BCAR3: variants seen among roughly 807,000 people sequenced by gnomAD.
BCAR3 encodes the protein BCAR3 adaptor protein, NSP family member.
BCAR3 carries 37 observed loss-of-function variants against 80.1 expected under a neutral mutation model. The observed-to-expected ratio is 0.46, with a 90% CI of 0.36 to 0.61. BCAR3 has a LOEUF of 0.61. BCAR3 is among the 20% of genes least tolerant of loss of function. The pLI, the probability that BCAR3 is intolerant of heterozygous loss-of-function variation, is 0.00. For missense variants in BCAR3, 978 were observed against 1,068.2 expected (o/e 0.92, Z 1.18); for synonymous variants, 389 against 418.9 (o/e 0.93, Z 0.87).
At chr1:93,696,410 AAC>A in intron 3 of BCAR3, among the ~76,000 whole-genome samples, 1 of 152,212 alleles carries the variant, frequency 6.6e-6, no homozygotes. Flanking sequence ...GCACACAAAT[AAC>A]ACACAGCCAA....
At position 93,679,383 on chromosome 1, in the gene BCAR3, C is replaced by T. The variant is rs148577662; in HGVS notation, c.-12+2215G>A. 2.6e-5 allele frequency among the ~76,000 whole-genome samples: 4 copies of T among 152,150 alleles called. No homozygotes were observed. The East Asian group carries it at 5.8e-4, about 22-fold the overall frequency. On this transcript the variant is annotated intron_variant, in intron 1 of 11. Coordinates refer to ENST00000260502, the MANE Select transcript of BCAR3 (RefSeq NM_003567.4). ...CAACTGGGAAGGATGGGGAGGGAAACGTTTTAACCTAGAACAATAGATGCA... is the reference window on the plus strand; with the variant it reads ...CAACTGGGAAGGATGGGGAGGGAAATGTTTTAACCTAGAACAATAGATGCA...
intron 8 of BCAR3, 42 bp downstream of exon 8, chr1:93,575,971 AG>A (rs760890057): frequency 4.5e-6 from 7 of 1,550,756 alleles, no homozygotes; most frequent in Non-Finnish European, 6.2e-6. Context: ...GATGCCTGGA[AG>A]GAGCTGGGAG....
At chr1:93,837,818 TG>T (rs1034847749) in intron 2 of BCAR3, among the ~76,000 whole-genome samples, 93 of 152,330 alleles carry the variant, frequency 6.1e-4, no homozygotes, top group African/African-American at 2.2e-3. Context: ...AGCAGAGTGG[TG>T]GGTAGCCTGC....
chr1:93,761,334 CT>C (rs1651938358), intron 2 of BCAR3, among the ~76,000 whole-genome samples: 1 of 151,874 alleles, frequency 6.6e-6, no homozygotes, highest in African/African-American at 2.4e-5. Flanking sequence ...TGTAGAACTG[CT>C]CAGAGAGGAG....
chr1:93,780,990 A>G (rs922998659), intron 2 of BCAR3, among the ~76,000 whole-genome samples: 12 of 152,182 alleles, frequency 7.9e-5, no homozygotes, highest in Admixed American at 6.5e-4. Flanking sequence ...TGGCTTGAAC[A>G]AAAGGTACTC....
chr1:93,580,922 A>G (rs1673679738), intron 7 of BCAR3, among the ~76,000 whole-genome samples: 1 of 152,214 alleles, frequency 6.6e-6, no homozygotes, highest in Non-Finnish European at 1.5e-5. Flanking sequence ...GCACTTTGAG[A>G]GGCCAAGGCA....
intron 2 of BCAR3, among the ~76,000 whole-genome samples, chr1:93,773,728 A>C (rs1652439805): frequency 6.6e-6 from 1 of 152,172 alleles, no homozygotes; most frequent in African/African-American, 2.4e-5. Context: ...AGGACCTCTT[A>C]GGTTAGTCCA....
chr1:93,721,546 C>T (rs1458048635), intron 2 of BCAR3, among the ~76,000 whole-genome samples: 1 of 152,210 alleles, frequency 6.6e-6, no homozygotes, highest in African/African-American at 2.4e-5. Flanking sequence ...CCCCAGTGGC[C>T]AGGAGACCTC....
chr1:93,619,010 C>G (rs1385702833), intron 3 of BCAR3, among the ~76,000 whole-genome samples: 2 of 149,938 alleles, frequency 1.3e-5, no homozygotes, highest in East Asian at 2.0e-4. Context: ...GCGATCTTGG[C>G]TCACTGCAAC....
At chr1:93,845,947 T>C (rs983901122) in intron 1 of BCAR3, among the ~76,000 whole-genome samples, 2 of 152,226 alleles carry the variant, frequency 1.3e-5, no homozygotes, top group Non-Finnish European at 2.9e-5. Flanking sequence ...TGGTGTGTTC[T>C]GTCAGCATTC....
intron 2 of BCAR3, among the ~76,000 whole-genome samples, chr1:93,799,213 G>A (rs925183848): frequency 4.6e-5 from 7 of 152,016 alleles, no homozygotes; most frequent in Non-Finnish European, 5.9e-5. Context: ...ATTTTCCCCC[G>A]TGTTTTGGGG....
At chr1:93,615,682 G>A (rs919118892) in intron 3 of BCAR3, among the ~76,000 whole-genome samples, 1 of 152,180 alleles carries the variant, frequency 6.6e-6, no homozygotes, top group Non-Finnish European at 1.5e-5. Flanking sequence ...GTGAGGAAGC[G>A]TTTTCTGGCT....
At position 93,576,077 on chromosome 1, in the gene BCAR3, C is replaced by T. The variant is rs751035398; in HGVS notation, c.1739G>A (p.Ser580Asn). The change falls in exon 8 of 12, where the codon AGC (serine) becomes AAC (asparagine). Residue 580 changes from serine (S) to asparagine (N), a missense_variant. Transcript: ENST00000260502. ...CAAGGTAATGAGTTCCAGGCCTGAGCTCACCCCCATGTTCCTCCTCATCTC... is the reference window on the plus strand; with the variant it reads ...CAAGGTAATGAGTTCCAGGCCTGAGTTCACCCCCATGTTCCTCCTCATCTC... ...SEEMRRNMGVSSGLELITLPH... is the reference protein window; with the variant it reads ...SEEMRRNMGVNSGLELITLPH... 6 of 1,614,024 alleles carry T rather than the reference C, an allele frequency of 3.7e-6. No homozygotes were observed. The South Asian group carries it at 6.6e-5, about 18-fold the overall frequency.
chr1:93,618,169 C>G (rs998731224), intron 3 of BCAR3, among the ~76,000 whole-genome samples: 1 of 152,218 alleles, frequency 6.6e-6, no homozygotes, highest in African/African-American at 2.4e-5. Flanking sequence ...TTTCTTGCTC[C>G]GAAAGGGAAT....
chr1:93,652,637 T>G (rs1290809176), intron 2 of BCAR3, among the ~76,000 whole-genome samples: 1 of 140,444 alleles, frequency 7.1e-6, no homozygotes, highest in African/African-American at 2.8e-5. Flanking sequence ...AATGAAAAGG[T>G]TTTTTTTTTT....
chr1:93,608,868 CTTGGAAAGACATTT>C (rs1674860104), intron 3 of BCAR3, among the ~76,000 whole-genome samples: 1 of 152,222 alleles, frequency 6.6e-6, no homozygotes. Flanking sequence ...GGCTGAGTTA[CTTGGAAAGACATTT>C]CCTGCAAGGC....
chr1:93,829,308 A>G (rs12140014), intron 2 of BCAR3, among the ~76,000 whole-genome samples: 19,737 of 151,750 alleles, frequency 0.13, 1,956 homozygotes, highest in African/African-American at 0.27. Flanking sequence ...TGTACACGTG[A>G]TTTTACCTGG....
rs185971685 is a variant in BCAR3 at position 93,600,135 on chromosome 1, G to C, written c.358-7742C>G. On this transcript the variant is annotated intron_variant, in intron 3 of 11. Transcript: ENST00000260502. The stretch of plus-strand genomic sequence containing the variant: ...ACACACACATATACACAGAATCAAC[G>C]AGCTTCTAATATTTAGTTTTCATTC... Among the ~76,000 whole-genome samples, 130 of 152,264 alleles carry C rather than the reference G, an allele frequency of 8.5e-4. 1 individual carries two copies. Among genetic ancestry groups the C allele is most frequent in the African/African-American group, 2.5e-3 (102 of 41,540 alleles).
chr1:93,777,212 C>A (rs145061143), intron 2 of BCAR3, among the ~76,000 whole-genome samples: 1 of 152,154 alleles, frequency 6.6e-6, no homozygotes, highest in Non-Finnish European at 1.5e-5. Context: ...TCCAGAGCTG[C>A]GAGACAATAA....
Sources: allele counts gnomAD v4.1 joint callset (sites outside exome capture counted in the v4.1 genomes callset), GRCh38; gene constraint gnomAD v4.1.1; transcripts MANE v1.5; gene names NCBI Gene and HGNC (gene_info 2026-07-23, HGNC 2026-07-21).